STK32A: variants seen among roughly 807,000 people sequenced by gnomAD.
The protein encoded by STK32A is serine/threonine kinase 32A.
Under a neutral mutation model 53.2 loss-of-function variants are expected in STK32A, and 41 were observed. The ratio of observed to expected loss-of-function variants is 0.77; its 90% CI spans 0.60 to 1.00. The LOEUF is 1.00. STK32A is among the 50% of genes least tolerant of loss of function. STK32A has a pLI of 0.00. For synonymous variants in STK32A, 166 were observed against 162.8 expected (o/e 1.02, Z -0.15); for missense variants, 458 against 485.8 (o/e 0.94, Z 0.54).
At chr5:147,247,737 C>T (rs940345347) in intron 2 of STK32A, among the ~76,000 whole-genome samples, 16 of 152,120 alleles carry the variant, frequency 1.1e-4, no homozygotes, top group African/African-American at 3.9e-4. Flanking sequence ...TCCAATAAAA[C>T]TTTATTTATG....
rs928539452 is a variant in STK32A, at chr5:147,384,016, T to C, written c.*33T>C. 2 of 1,585,214 alleles carry C rather than the reference T, an allele frequency of 1.3e-6. No homozygotes were observed. The highest frequency in any genetic ancestry group is 1.7e-6 in the Non-Finnish European group (2 of 1,170,332). On this transcript the variant is annotated 3_prime_UTR_variant, in exon 13 of 13. Coordinates refer to ENST00000397936, the MANE Select transcript of STK32A (RefSeq NM_001112724.2). The stretch of plus-strand genomic sequence containing the variant: ...ATGTCTTCTTCTTGGGACAATCTCA[T>C]GCCAGAAACTTCTAATTACATATGT...
intron 4 of STK32A, among the ~76,000 whole-genome samples, chr5:147,306,053 A>G (rs1753389555): frequency 6.6e-6 from 1 of 152,040 alleles, no homozygotes; most frequent in Admixed American, 6.5e-5. Flanking sequence ...AGCTTGTGCC[A>G]GTTTATACTC....
At chr5:147,268,679 A>G (rs922791161) in intron 2 of STK32A, among the ~76,000 whole-genome samples, 2 of 152,224 alleles carry the variant, frequency 1.3e-5, no homozygotes, top group Admixed American at 1.3e-4. Flanking sequence ...GAAGCCTGTG[A>G]CAGAGGGGGA....
chr5:147,261,830 T>C (rs1754585729), intron 2 of STK32A, among the ~76,000 whole-genome samples: 1 of 152,176 alleles, frequency 6.6e-6, no homozygotes. Flanking sequence ...TGTATTTGAA[T>C]TATTTTTTCT....
chr5:147,235,409 C>T (rs974442088), intron 1 of STK32A, among the ~76,000 whole-genome samples: 2 of 152,340 alleles, frequency 1.3e-5, no homozygotes, highest in East Asian at 3.9e-4. Flanking sequence ...CAGACCCAGA[C>T]AGACTTCAAT....
At chr5:147,280,429 TG>T (rs1317118076) in intron 4 of STK32A, among the ~76,000 whole-genome samples, 8 of 1,336 alleles carry the variant, frequency 6.0e-3, no homozygotes, top group Non-Finnish European at 8.6e-3. Flanking sequence ...GGGTTGGGGA[TG>T]GGGGAGGGGG....
intron 10 of STK32A, 125 bp from the exon 11 acceptor site, chr5:147,374,965 G>T: frequency 1.5e-6 from 1 of 685,176 alleles, no homozygotes; most frequent in South Asian, 5.6e-5. Context: ...ACTTAGAGTG[G>T]GAATCCCAGT....
At position 147,262,525 on chromosome 5, in the gene STK32A, T is replaced by G. The variant is rs192942815; in HGVS notation, c.53-15599T>G. On this transcript the variant is annotated intron_variant, in intron 2 of 12. Coordinates refer to ENST00000397936, the MANE Select transcript of STK32A (RefSeq NM_001112724.2). ...ATGTTTTTAATATATGCTATCTCAT[T>G]TAATACCTACCACATTCCTGTAAGG... is the stretch of plus-strand genomic sequence containing the variant. 9.5e-4 allele frequency among the ~76,000 whole-genome samples: 144 copies of G among 152,128 alleles called. 1 individual carries two copies. Among genetic ancestry groups the G allele is most frequent in the African/African-American group, 3.4e-3 (139 of 41,490 alleles).
At chr5:147,337,959 A>T (rs1202889176) in intron 5 of STK32A, among the ~76,000 whole-genome samples, 1 of 152,174 alleles carries the variant, frequency 6.6e-6, no homozygotes, top group Non-Finnish European at 1.5e-5. Context: ...TGTGGGACGG[A>T]TGAAAAGATT....
chr5:147,243,644 G>A (rs1753666619), intron 2 of STK32A, among the ~76,000 whole-genome samples: 2 of 150,358 alleles, frequency 1.3e-5, no homozygotes, highest in African/African-American at 4.9e-5. Context: ...AGGAGGCTGA[G>A]GCAGGAGAAT....
At chr5:147,374,468 G>A (rs1368056752) in intron 10 of STK32A, among the ~76,000 whole-genome samples, 1 of 152,038 alleles carries the variant, frequency 6.6e-6, no homozygotes, top group Non-Finnish European at 1.5e-5. Context: ...CAACAGGAGG[G>A]TAGGTCTGAG....
intron 5 of STK32A, among the ~76,000 whole-genome samples, chr5:147,330,760 C>G (rs575461017): frequency 6.6e-6 from 1 of 152,230 alleles, no homozygotes; most frequent in Non-Finnish European, 1.5e-5. Context: ...CTACCACACA[C>G]TCATTCCCCT....
intron 5 of STK32A, among the ~76,000 whole-genome samples, chr5:147,335,184 C>T (rs746594542): frequency 6.6e-6 from 1 of 152,158 alleles, no homozygotes; most frequent in Non-Finnish European, 1.5e-5. Flanking sequence ...ACGAGTTTTA[C>T]ATGTACCATT....
At position 147,279,411 on chromosome 5, in the gene STK32A, A is replaced by C. The variant is rs759381045; in HGVS notation, c.260+13A>C. ...TGGTTAATTTGTGGTGAGTAATTTT[A>C]CTGGACCTCTGAATAGAGACACTCC... is the stretch of plus-strand genomic sequence containing the variant. On this transcript the variant is annotated intron_variant, in intron 4 of 12. Transcript: ENST00000397936. 1 of 1,560,858 alleles carries C rather than the reference A, an allele frequency of 6.4e-7. No homozygotes were observed. Among genetic ancestry groups the C allele is most frequent in the Non-Finnish European group, 8.7e-7 (1 of 1,152,140 alleles).
At chr5:147,382,098 G>C (rs189001685) in intron 11 of STK32A, among the ~76,000 whole-genome samples, 30 of 152,146 alleles carry the variant, frequency 2.0e-4, no homozygotes, top group Non-Finnish European at 3.5e-4. Context: ...CTTGCTATAG[G>C]CTCTGTTCAT....
At chr5:147,383,114 T>G in intron 11 of STK32A, 2 of 325,502 alleles carry the variant, frequency 6.1e-6, no homozygotes, top group South Asian at 7.2e-5. Context: ...TGCTAAGAGC[T>G]TAAGTTGGTC....
intron 2 of STK32A, among the ~76,000 whole-genome samples, chr5:147,246,351 A>G (rs1322525891): frequency 6.6e-6 from 1 of 152,204 alleles, no homozygotes; most frequent in East Asian, 1.9e-4. Context: ...TAGTGGTTCC[A>G]ACTGGAGTGT....
intron 11 of STK32A, among the ~76,000 whole-genome samples, chr5:147,380,645 T>A (rs571182885): frequency 1.3e-5 from 2 of 152,344 alleles, no homozygotes; most frequent in African/African-American, 4.8e-5. Flanking sequence ...GATGAAAAAG[T>A]CATCAATAGA....
chr5:147,257,947 CA>C (rs993884593), intron 2 of STK32A, among the ~76,000 whole-genome samples: 2 of 151,974 alleles, frequency 1.3e-5, no homozygotes, highest in Non-Finnish European at 2.9e-5. Context: ...TTTCCTTTAG[CA>C]CCTATTTTTA....
Sources: allele counts gnomAD v4.1 joint callset (sites outside exome capture counted in the v4.1 genomes callset), GRCh38; gene constraint gnomAD v4.1.1; transcripts MANE v1.5; gene names NCBI Gene and HGNC (gene_info 2026-07-23, HGNC 2026-07-21).